The following RALB variants were observed in gnomAD, a reference collection of about 807,000 sequenced individuals.
The protein encoded by RALB is ras-related protein Ral-B.
In RALB, 16 loss-of-function variants were observed where a neutral mutation model predicts 21.3. That is an observed-to-expected ratio of 0.75 (90% confidence interval 0.51 to 1.14). RALB has a LOEUF of 1.14. RALB is among the 50% of genes most tolerant of loss of function. RALB has a pLI of 0.00. For missense variants in RALB, 161 were observed against 256.2 expected, an observed-to-expected ratio of 0.63 and a Z score of 2.54; for synonymous variants, 93 against 96.1, an observed-to-expected ratio of 0.97 and a Z score of 0.19.
At chr2:120,283,932 A>G (rs1240314873) in intron 2 of RALB, among the ~76,000 whole-genome samples, 1 of 152,236 alleles carries the variant, frequency 6.6e-6, no homozygotes, top group Non-Finnish European at 1.5e-5. Context: ...TTCATTGAGT[A>G]CAGAGGTATG....
At chr2:120,241,429 T>A (rs1688893197) in intron 1 of RALB, among the ~76,000 whole-genome samples, 2 of 152,116 alleles carry the variant, frequency 1.3e-5, no homozygotes, top group African/African-American at 4.8e-5. Flanking sequence ...TGGCTGCTAT[T>A]AAAAGAGCAG....
At chr2:120,286,279 T>A (rs72843026) in intron 3 of RALB, among the ~76,000 whole-genome samples, 197 bp downstream of exon 3, 221 of 152,344 alleles carry the variant, frequency 1.5e-3, no homozygotes, top group Non-Finnish European at 2.4e-3. Context: ...ATAATCTCTT[T>A]GGGCTTTCCT....
In RALB at chr2:120,289,718, C is replaced by T. The variant is rs140065337; in HGVS notation, c.462C>T (p.Tyr154=). 1,264 of 1,612,946 alleles carry T rather than the reference C, an allele frequency of 7.8e-4. No individual in the cohort carries two copies. Among genetic ancestry groups the T allele is most frequent in the Non-Finnish European group, 1.0e-3 (1,215 of 1,179,524 alleles). The change falls in exon 4 of 5, where the codon TAC becomes TAT. Residue 154 remains tyrosine, a synonymous_variant. Transcript: ENST00000272519. The part of the protein sequence containing the change: ...RSKAEEWGVQ[Y]VETSAKTRAN... ...AAGCCGAAGAGTGGGGCGTGCAGTACGTGGAGACGTCAGCGAAGACCCGGG... is the reference window on the plus strand; with the variant it reads ...AAGCCGAAGAGTGGGGCGTGCAGTATGTGGAGACGTCAGCGAAGACCCGGG...
intron 2 of RALB, among the ~76,000 whole-genome samples, chr2:120,281,367 G>A (rs916781375): frequency 6.6e-6 from 1 of 152,216 alleles, no homozygotes; most frequent in Non-Finnish European, 1.5e-5. Context: ...GAAACATGGG[G>A]GTATTCCCTT....
intron 3 of RALB, among the ~76,000 whole-genome samples, chr2:120,288,342 G>GTTTTTGTTTT (rs1690218266): frequency 1.7e-5 from 2 of 117,086 alleles, no homozygotes; most frequent in Non-Finnish European, 3.3e-5. Flanking sequence ...GAAAATTTTA[G>GTTTTTGTTTT]TTTTTTTTTT....
chr2:120,263,591 G>A (rs1404305498), intron 1 of RALB, among the ~76,000 whole-genome samples: 2 of 146,754 alleles, frequency 1.4e-5, no homozygotes, highest in African/African-American at 2.5e-5. Flanking sequence ...ACGAAGTCTC[G>A]CTCTGTCACC....
intron 2 of RALB, chr2:120,280,995 C>G (rs1176280926): frequency 3.0e-6 from 1 of 328,534 alleles, no homozygotes; most frequent in Non-Finnish European, 5.9e-6. Context: ...TTTTTTATTA[C>G]TGTATAATAA....
intron 1 of RALB, among the ~76,000 whole-genome samples, chr2:120,277,680 TATGA>T (rs1197227751): frequency 2.7e-5 from 2 of 73,748 alleles, no homozygotes; most frequent in African/African-American, 1.3e-4. Flanking sequence ...GTGAACGTGT[TATGA>T]GTGAAAGTGT....
At chr2:120,259,764 T>G (rs1257911206) in intron 1 of RALB, among the ~76,000 whole-genome samples, 1 of 152,240 alleles carries the variant, frequency 6.6e-6, no homozygotes, top group Non-Finnish European at 1.5e-5. Context: ...TCCTCAGCCC[T>G]TGGGTGGTCG....
chr2:120,287,379 T>G (rs1209148090), intron 3 of RALB, among the ~76,000 whole-genome samples: 1 of 152,246 alleles, frequency 6.6e-6, no homozygotes, highest in Non-Finnish European at 1.5e-5. Context: ...TGACTATGAC[T>G]CATTATGAGA....
At chr2:120,263,275 C>G (rs922001784) in intron 1 of RALB, among the ~76,000 whole-genome samples, 14 of 151,672 alleles carry the variant, frequency 9.2e-5, no homozygotes, top group Non-Finnish European at 5.9e-5. Context: ...GCTCAGTGGT[C>G]CTCCCACCTC....
chr2:120,262,868 G>C (rs940723532), intron 1 of RALB, among the ~76,000 whole-genome samples: 1 of 152,208 alleles, frequency 6.6e-6, no homozygotes, highest in Non-Finnish European at 1.5e-5. Flanking sequence ...GCCTGTGCTT[G>C]TTTCCAGGTG....
intron 3 of RALB, among the ~76,000 whole-genome samples, chr2:120,288,888 G>T (rs1267628419): frequency 6.6e-6 from 1 of 152,130 alleles, no homozygotes; most frequent in Admixed American, 6.5e-5. Flanking sequence ...TACTGTGTCT[G>T]CATGGAAACT....
intron 1 of RALB, among the ~76,000 whole-genome samples, chr2:120,260,998 A>C (rs1000446197): frequency 6.6e-6 from 1 of 152,128 alleles, no homozygotes; most frequent in African/African-American, 2.4e-5. Context: ...ATGATTAGAG[A>C]CTAGGTTAGT....
At chr2:120,291,636 C>T (rs1056246429) in intron 4 of RALB, among the ~76,000 whole-genome samples, 29 of 152,192 alleles carry the variant, frequency 1.9e-4, no homozygotes, top group African/African-American at 6.5e-4. Context: ...ATAAGATCAG[C>T]CCATGAACAA....
At chr2:120,259,706 G>T (rs1449342294) in intron 1 of RALB, among the ~76,000 whole-genome samples, 1 of 152,250 alleles carries the variant, frequency 6.6e-6, no homozygotes, top group South Asian at 2.1e-4. Context: ...ATCCCGCACC[G>T]GGGCTGCAGG....
intron 1 of RALB, among the ~76,000 whole-genome samples, chr2:120,254,359 T>C (rs918228299): frequency 2.0e-5 from 3 of 152,226 alleles, no homozygotes; most frequent in Admixed American, 2.0e-4. Context: ...TCTGACCACA[T>C]CTGGGGCTTT....
chr2:120,280,116 G>A (rs139329524), intron 2 of RALB, among the ~76,000 whole-genome samples: 373 of 152,336 alleles, frequency 2.4e-3, no homozygotes, highest in Middle Eastern at 0.014. Flanking sequence ...AAGTGTGTGA[G>A]AGCTAGAAGC....
chr2:120,252,750 C>T (rs939984090), upstream of RALB: 2 of 982,268 alleles, frequency 2.0e-6, no homozygotes, highest in Non-Finnish European at 2.4e-6. Flanking sequence ...GACAGCCCCC[C>T]GACGGGCGTG....
Sources: allele counts gnomAD v4.1 joint callset (sites outside exome capture counted in the v4.1 genomes callset), GRCh38; gene constraint gnomAD v4.1.1; transcripts MANE v1.5; gene names NCBI Gene and HGNC (gene_info 2026-07-23, HGNC 2026-07-21).